The following RHBDL2 variants were observed in gnomAD, a reference collection of about 807,000 sequenced individuals.
RHBDL2 encodes rhomboid-related protein 2.
Under a neutral mutation model 31.7 loss-of-function variants are expected in RHBDL2, and 26 were observed. The ratio of observed to expected loss-of-function variants is 0.82; its 90% CI spans 0.60 to 1.14. The LOEUF is 1.14. RHBDL2 is among the 50% of genes most tolerant of loss of function. RHBDL2 has a pLI of 0.00. For missense variants in RHBDL2, 336 were observed against 364.4 expected (o/e 0.92, Z 0.63); for synonymous variants, 123 against 127.2 (o/e 0.97, Z 0.22).
intron 1 of RHBDL2, among the ~76,000 whole-genome samples, chr1:38,939,115 G>A (rs1643537689): frequency 6.6e-6 from 1 of 152,204 alleles, no homozygotes; most frequent in African/African-American, 2.4e-5. Flanking sequence ...GAATGATGTA[G>A]GAATGAGTGA....
At chr1:38,887,785 A>G (rs1034293414) in intron 7 of RHBDL2, among the ~76,000 whole-genome samples, 178 bp downstream of exon 7, 81 of 152,210 alleles carry the variant, frequency 5.3e-4, no homozygotes, top group Admixed American at 2.7e-3. Flanking sequence ...GCCAGTGATC[A>G]GGGCTGTGAG....
chr1:38,908,044 A>G (rs916775544), intron 4 of RHBDL2, among the ~76,000 whole-genome samples: 6 of 152,068 alleles, frequency 3.9e-5, no homozygotes, highest in Non-Finnish European at 7.4e-5. Context: ...TCAACAGTTA[A>G]AAAAAGTTAG....
intron 1 of RHBDL2, among the ~76,000 whole-genome samples, chr1:38,924,593 C>CAA (rs1187160167): frequency 6.9e-6 from 1 of 145,162 alleles, no homozygotes; most frequent in East Asian, 2.0e-4. Flanking sequence ...GACTCCGTCT[C>CAA]AAAAAAAAAA....
At chr1:38,898,357 C>T (rs1375757546) in intron 4 of RHBDL2, among the ~76,000 whole-genome samples, 3 of 152,094 alleles carry the variant, frequency 2.0e-5, no homozygotes, top group African/African-American at 7.2e-5. Context: ...CAAATGCTAA[C>T]CTATAGACTA....
chr1:38,904,737 A>T (rs1643039460), intron 4 of RHBDL2, among the ~76,000 whole-genome samples: 3 of 149,680 alleles, frequency 2.0e-5, no homozygotes, highest in East Asian at 1.9e-4. Flanking sequence ...AAACATTTTT[A>T]AAAATAAAAA....
At chr1:38,928,986 A>G (rs4970637) in intron 1 of RHBDL2, among the ~76,000 whole-genome samples, 120,912 of 152,062 alleles carry the variant, frequency 0.8, 48,632 homozygotes, top group African/African-American at 0.9. Flanking sequence ...CAGGAGGATC[A>G]CTTGAAACGG....
chr1:38,915,479 C>T (rs1643219971), intron 3 of RHBDL2, 83 bp downstream of exon 3: 1 of 1,384,332 alleles, frequency 7.2e-7, no homozygotes, highest in South Asian at 1.3e-5. Flanking sequence ...AGTGCCTTAT[C>T]AATAATAAAG....
chr1:38,897,729 A>G (rs1356615405), intron 4 of RHBDL2, among the ~76,000 whole-genome samples: 1 of 152,130 alleles, frequency 6.6e-6, no homozygotes, highest in Admixed American at 6.6e-5. Context: ...CCCCACACAC[A>G]AAAGGATTGG....
chr1:38,912,772 G>A (rs2124327696), intron 3 of RHBDL2, among the ~76,000 whole-genome samples: 1 of 151,316 alleles, frequency 6.6e-6, no homozygotes, highest in South Asian at 2.1e-4. Flanking sequence ...GAAAATTATA[G>A]CCATTATCTC....
rs2124306590 is a variant in RHBDL2 at position 38,895,954 on chromosome 1, C to T, written c.609+15G>A. On this transcript the variant is annotated intron_variant, in intron 5 of 7. Coordinates refer to ENST00000372990, the MANE Select transcript of RHBDL2 (RefSeq NM_017821.5). ...TTTTTAAGAGACTCGTGGACTCCAT[C>T]CCCATGGTTCTTACCACCAGAACAT... 1.3e-6 allele frequency: 2 copies of T among 1,546,324 alleles called. No individual in the cohort carries two copies. Among genetic ancestry groups the T allele is most frequent in the Non-Finnish European group, 1.8e-6 (2 of 1,121,056 alleles).
At position 38,936,324 on chromosome 1, in the gene RHBDL2, T is replaced by G. The variant is rs375343892; in HGVS notation, c.-126+5358A>C. Among the ~76,000 whole-genome samples, 3 of 152,184 alleles carry G rather than the reference T, an allele frequency of 2.0e-5. No homozygotes were observed. The East Asian group carries it at 5.8e-4, about 29-fold the overall frequency. Reference sequence around the variant, plus strand: ...TTGTTTGTTGGTTTTTGGGGGTTTTTTTGAGATGGAGTCTCACTCTGTTGC... The same window carrying G: ...TTGTTTGTTGGTTTTTGGGGGTTTTGTTGAGATGGAGTCTCACTCTGTTGC... On this transcript the variant is annotated intron_variant, in intron 1 of 7. Transcript: ENST00000372990.
At chr1:38,915,850 C>T (rs1269061264) in intron 2 of RHBDL2, 140 bp from the exon 3 acceptor site, 1 of 715,064 alleles carries the variant, frequency 1.4e-6, no homozygotes, top group African/African-American at 1.8e-5. Context: ...ACATGAAATA[C>T]ACTTCTTCAC....
intron 4 of RHBDL2, among the ~76,000 whole-genome samples, chr1:38,897,672 G>T (rs1642936539): frequency 6.6e-6 from 1 of 152,144 alleles, no homozygotes; most frequent in Non-Finnish European, 1.5e-5. Flanking sequence ...CTATCATCGT[G>T]CCACTGCGCT....
chr1:38,902,745 G>T (rs1283827195), intron 4 of RHBDL2, among the ~76,000 whole-genome samples: 1 of 151,696 alleles, frequency 6.6e-6, no homozygotes, highest in Non-Finnish European at 1.5e-5. Context: ...TAAAGATGGG[G>T]TTTAACCATG....
At chr1:38,931,365 C>CA (rs1400389654) in intron 1 of RHBDL2, among the ~76,000 whole-genome samples, 1 of 151,830 alleles carries the variant, frequency 6.6e-6, no homozygotes, top group Non-Finnish European at 1.5e-5. Context: ...ACTAAAAATA[C>CA]AAAAAATTAG....
chr1:38,901,590 C>G (rs895358847), intron 4 of RHBDL2, among the ~76,000 whole-genome samples: 1 of 151,630 alleles, frequency 6.6e-6, no homozygotes, highest in African/African-American at 2.4e-5. Flanking sequence ...AATCCCAGCA[C>G]TTTGGGAGGC....
chr1:38,919,161 T>G lies in RHBDL2; in HGVS notation c.52A>C (p.Arg18=). The stretch of plus-strand genomic sequence containing the variant: ...TCCTCCAGCTCTTCTTTCATCTCTC[T>G]CCCCATATTCAGATTCATGCTCTCC... The part of the protein sequence containing the change: ...EMESMNLNMG[R]EMKEELEEEE... Residue 18 remains arginine (R), a synonymous_variant, in exon 2 of 8, where the codon AGA becomes CGA. Coordinates refer to ENST00000372990, the MANE Select transcript of RHBDL2 (RefSeq NM_017821.5). 6.2e-7 allele frequency: 1 copy of G among 1,614,038 alleles called. No individual in the cohort carries two copies. The highest frequency in any genetic ancestry group is 8.5e-7 in the Non-Finnish European group (1 of 1,180,016).
intron 1 of RHBDL2, among the ~76,000 whole-genome samples, chr1:38,924,824 C>G (rs866785028): frequency 2.1e-5 from 3 of 145,492 alleles, no homozygotes; most frequent in South Asian, 4.4e-4. Context: ...CTCTTGTTGC[C>G]AGGCTGGAGT....
intron 1 of RHBDL2, among the ~76,000 whole-genome samples, chr1:38,924,465 G>T (rs1299412278): frequency 6.6e-6 from 1 of 151,962 alleles, no homozygotes; most frequent in Non-Finnish European, 1.5e-5. Context: ...GTGGTGGCGG[G>T]CGCCTGTAGT....
Sources: gnomAD v4.1 joint callset for allele counts (sites outside exome capture counted in the v4.1 genomes callset) on GRCh38, gnomAD v4.1.1 for gene constraint, MANE v1.5 for transcripts, NCBI Gene and HGNC (gene_info 2026-07-23, HGNC 2026-07-21) for gene names.